DNAH11: variants seen among roughly 807,000 people sequenced by gnomAD.
DNAH11 encodes dynein axonemal heavy chain 11, also known as axonemal beta dynein heavy chain 11.
Under a neutral mutation model 526.0 loss-of-function variants are expected in DNAH11, and 442 were observed. That is an observed-to-expected ratio of 0.84 (90% CI 0.78 to 0.91). The LOEUF is 0.91. Ranked by LOEUF, DNAH11 falls within the 40% of genes least tolerant of loss-of-function variation. The probability of loss-of-function intolerance (pLI) is 0.00; values close to 1 mark genes in which losing one functional copy is unlikely to be tolerated. For missense variants in DNAH11, 6,989 were observed against 5,448.7 expected (o/e 1.28, Z -8.90); for synonymous variants, 2,461 against 1,935.9 (o/e 1.27, Z -7.12).
In DNAH11 at chr7:21,757,662, G is replaced by C. The variant is rs533272916; in HGVS notation, c.8940+7298G>C. 2.0e-5 allele frequency among the ~76,000 whole-genome samples: 3 copies of C among 152,268 alleles called. No individual in the cohort carries two copies. The East Asian group carries it at 5.8e-4, about 29-fold the overall frequency. On this transcript the variant is annotated intron_variant, in intron 54 of 81. Transcript: ENST00000409508. ...TAGGTTTCTTTCCTCTTTGCACGTA[G>C]AGACAGTAATTCACAGCTAAAGTCT... is the stretch of plus-strand genomic sequence containing the variant.
At chr7:21,595,261 G>C (rs913058657) in intron 14 of DNAH11, among the ~76,000 whole-genome samples, 1 of 152,128 alleles carries the variant, frequency 6.6e-6, no homozygotes, top group African/African-American at 2.4e-5. Context: ...CATTCATGAA[G>C]GCTCTGCCCT....
intron 57 of DNAH11, among the ~76,000 whole-genome samples, chr7:21,781,361 C>G (rs1787933768): frequency 6.6e-6 from 1 of 152,196 alleles, no homozygotes; most frequent in South Asian, 2.1e-4. Context: ...ATAAGGTAAT[C>G]AAGGGCGATT....
Position 21,748,667 on chromosome 7 carries a change from G to C in DNAH11, c.8598G>C (p.Arg2866Ser). 1 of 1,613,682 alleles carries C rather than the reference G, an allele frequency of 6.2e-7. No individual in the cohort carries two copies. Among genetic ancestry groups the C allele is most frequent in the Non-Finnish European group, 8.5e-7 (1 of 1,179,714 alleles). ...VGGSGKQSLS[R>S]LAAYLRGLEV... ...GCAGTGGCAAGCAGAGCTTGTCCAG[G>C]CTGGCAGCTTACCTTCGTGGCCTTG... The change falls in exon 52 of 82, where the codon AGG becomes AGC. Residue 2866 changes from arginine (R) to serine (S), a missense_variant. Arg to Ser is a moderately radical substitution (Grantham distance 110, BLOSUM62 -1). Transcript: ENST00000409508.
intron 54 of DNAH11, among the ~76,000 whole-genome samples, chr7:21,755,146 G>A (rs1430675754): frequency 1.3e-5 from 2 of 152,194 alleles, no homozygotes; most frequent in Non-Finnish European, 2.9e-5. Context: ...TTGGAATGCA[G>A]AGACAATGAG....
intron 57 of DNAH11, among the ~76,000 whole-genome samples, chr7:21,782,124 T>C (rs1787971256): frequency 6.6e-6 from 1 of 152,222 alleles, no homozygotes; most frequent in East Asian, 1.9e-4. Flanking sequence ...CAAGCAGTTA[T>C]TGGGACTTCA....
chr7:21,616,150 T>G, intron 21 of DNAH11, 59 bp from the exon 22 acceptor site: 1 of 1,276,600 alleles, frequency 7.8e-7, no homozygotes, highest in South Asian at 1.2e-5. Context: ...TATATTTTGC[T>G]GCAGAGACTT....
intron 9 of DNAH11, among the ~76,000 whole-genome samples, chr7:21,584,762 A>G (rs77271252): frequency 0.041 from 6,178 of 152,220 alleles, 138 homozygotes; most frequent in South Asian, 0.062. Flanking sequence ...ATATGCATAC[A>G]TGTTTCTCTT....
intron 42 of DNAH11, among the ~76,000 whole-genome samples, chr7:21,716,105 G>T (rs1784651800): frequency 6.6e-6 from 1 of 150,856 alleles, no homozygotes; most frequent in Non-Finnish European, 1.5e-5. Context: ...CTATTTTTTT[G>T]AAGTTACTGC....
At chr7:21,600,985 C>A (rs1477045005) in intron 16 of DNAH11, 25 bp from the exon 17 acceptor site, 8 of 1,609,386 alleles carry the variant, frequency 5.0e-6, no homozygotes, top group Non-Finnish European at 5.9e-6. Flanking sequence ...CTGAGTTGTT[C>A]TAATTAATCT....
chr7:21,810,235 T>C (rs947814489), intron 63 of DNAH11, among the ~76,000 whole-genome samples: 9 of 152,196 alleles, frequency 5.9e-5, no homozygotes, highest in African/African-American at 2.2e-4. Flanking sequence ...ATACTCCTTG[T>C]ACAAATGAGA....
chr7:21,810,320 A>G (rs1339178212), intron 63 of DNAH11, among the ~76,000 whole-genome samples: 1 of 152,154 alleles, frequency 6.6e-6, no homozygotes, highest in Non-Finnish European at 1.5e-5. Flanking sequence ...CCAGGACTCT[A>G]TTTTCTATAC....
chr7:21,667,343 A>G (rs757123472), intron 30 of DNAH11, among the ~76,000 whole-genome samples: 1 of 152,056 alleles, frequency 6.6e-6, no homozygotes, highest in Non-Finnish European at 1.5e-5. Flanking sequence ...TCAGGTAGTA[A>G]TTATTTTGTC....
At chr7:21,623,804 G>T in intron 25 of DNAH11, among the ~76,000 whole-genome samples, 1 of 150,924 alleles carries the variant, frequency 6.6e-6, no homozygotes, top group Admixed American at 6.6e-5. Flanking sequence ...ATCACACTCT[G>T]GGGACTGTTG....
At chr7:21,831,941 T>A (rs1781791951) in intron 65 of DNAH11, among the ~76,000 whole-genome samples, 1 of 150,420 alleles carries the variant, frequency 6.6e-6, no homozygotes, top group Non-Finnish European at 1.5e-5. Flanking sequence ...AATATAAAAA[T>A]TAGCCAGGTG....
In DNAH11 at chr7:21,636,182, A is replaced by G. The variant is rs182812393; in HGVS notation, c.4725+87A>G. On this transcript the variant is annotated intron_variant, in intron 26 of 81. Coordinates refer to ENST00000409508, the MANE Select transcript of DNAH11 (RefSeq NM_001277115.2). ...GCATCGTATTTATAAAAATGAATGC[A>G]TTTTTGCATGAGTAAGCAGGAGTCA... is the stretch of plus-strand genomic sequence containing the variant. 4.7e-5 allele frequency: 56 copies of G among 1,183,872 alleles called. 1 individual carries two copies. The Middle Eastern group carries it at 1.4e-3, about 30-fold the overall frequency. 73.3% of individuals were successfully genotyped at this position (1,183,872 alleles called of 1,614,324 possible).
chr7:21,639,231 A>G (rs1375254704), intron 28 of DNAH11, among the ~76,000 whole-genome samples, 166 bp downstream of exon 28: 1 of 152,202 alleles, frequency 6.6e-6, no homozygotes, highest in Non-Finnish European at 1.5e-5. Flanking sequence ...AGGCTGTGCA[A>G]AAGGGAGTAG....
At chr7:21,707,515 A>G (rs920114930) in intron 39 of DNAH11, among the ~76,000 whole-genome samples, 184 bp from the exon 40 acceptor site, 2 of 152,242 alleles carry the variant, frequency 1.3e-5, no homozygotes, top group African/African-American at 4.8e-5. Context: ...GAGTATTTGT[A>G]AGATGAAGCT....
intron 28 of DNAH11, among the ~76,000 whole-genome samples, chr7:21,641,169 G>A (rs746353293): frequency 2.7e-4 from 41 of 152,158 alleles, no homozygotes; most frequent in Non-Finnish European, 5.1e-4. Context: ...CAAACAAGGG[G>A]CACATCAAAG....
At chr7:21,848,153 C>T (rs535966765) in intron 66 of DNAH11, among the ~76,000 whole-genome samples, 7 of 126,120 alleles carry the variant, frequency 5.6e-5, no homozygotes, top group Non-Finnish European at 9.1e-5. Context: ...GGTGATAGAG[C>T]GAGACTCTGT....
Sources: allele counts gnomAD v4.1 joint callset (sites outside exome capture counted in the v4.1 genomes callset), GRCh38; gene constraint gnomAD v4.1.1; transcripts MANE v1.5; gene names NCBI Gene and HGNC (gene_info 2026-07-23, HGNC 2026-07-21).